RB1: variants seen among roughly 807,000 people sequenced by gnomAD.
RB1 encodes the protein RB transcriptional corepressor 1.
A neutral mutation model predicts 135.4 loss-of-function variants in RB1; 18 were observed. The observed-to-expected ratio is 0.13, with a 90% CI of 0.09 to 0.20. The LOEUF is 0.20. Ranked by LOEUF, RB1 falls within the 10% of genes least tolerant of loss-of-function variation. RB1 has a pLI of 1.00. For synonymous variants in RB1, 365 were observed against 373.2 expected (o/e 0.98, Z 0.25); for missense variants, 868 against 1,110.0 (o/e 0.78, Z 3.10).
rs1180227340 is a variant in RB1, at chr13:48,463,805, A to C, written c.2181A>C (p.Ala727=). The C allele has an allele frequency of 6.2e-7, 1 of 1,607,312 alleles. No homozygotes were observed. The change falls in exon 21 of 27, where the codon GCA becomes GCC. Residue 727 remains alanine (A), a synonymous_variant. Coordinates refer to ENST00000267163, the MANE Select transcript of RB1 (RefSeq NM_000321.3). ...TTAAATTCAAAATCATTGTAACAGC[A>C]TACAAGGATCTTCCTCATGCTGTTC... is the stretch of plus-strand genomic sequence containing the variant. ...IDLKFKIIVT[A]YKDLPHAVQE...
rs375751988 is a variant in RB1, at chr13:48,465,334, C to G, written c.2455C>G (p.Leu819Val). The G allele has an allele frequency of 4.8e-5, 77 of 1,609,378 alleles. 1 individual carries two copies. In the East Asian group the frequency reaches 9.6e-4, roughly 20 times the overall value. Residue 819 changes from leucine to valine, a missense_variant, in exon 23 of 27, where the codon CTG (leucine) becomes GTG (valine). Leu to Val is a conservative substitution (Grantham distance 32). Coordinates refer to ENST00000267163, the MANE Select transcript of RB1 (RefSeq NM_000321.3). ...LKSPYKISEG[L>V]PTPTKMTPRS... Reference sequence around the variant, plus strand: ...GAGTCCATATAAAATTTCAGAAGGTCTGCCAACACCAACAAAAATGACTCC... The same window carrying G: ...GAGTCCATATAAAATTTCAGAAGGTGTGCCAACACCAACAAAAATGACTCC...
chr13:48,411,654 G>T, intron 17 of RB1: 1 of 1,610,834 alleles, frequency 6.2e-7, no homozygotes. Context: ...AAATGTTTGT[G>T]TTCTCACAAG....
intron 1 of RB1, among the ~76,000 whole-genome samples, chr13:48,306,820 C>T (rs1240485670): frequency 6.6e-6 from 1 of 152,192 alleles, no homozygotes; most frequent in African/African-American, 2.4e-5. Flanking sequence ...CAAAAATAAG[C>T]AGTCGCATCA....
At chr13:48,337,392 GT>G (rs1952395146) in intron 2 of RB1, among the ~76,000 whole-genome samples, 3 of 152,180 alleles carry the variant, frequency 2.0e-5, no homozygotes, top group Non-Finnish European at 4.4e-5. Context: ...ATTTAGGATA[GT>G]TAGTTCTTCT....
At chr13:48,340,352 T>C (rs1215792832) in intron 2 of RB1, among the ~76,000 whole-genome samples, 1 of 152,164 alleles carries the variant, frequency 6.6e-6, no homozygotes, top group Admixed American at 6.5e-5. Context: ...AAACACAAGC[T>C]GCATCTGAAA....
intron 6 of RB1, among the ~76,000 whole-genome samples, chr13:48,357,715 G>A (rs532020317): frequency 2.0e-5 from 3 of 152,074 alleles, no homozygotes; most frequent in African/African-American, 7.2e-5. Context: ...TCAGAGGCAC[G>A]TTTACATTTC....
intron 17 of RB1, among the ~76,000 whole-genome samples, chr13:48,403,790 T>C (rs1325326031): frequency 6.6e-6 from 1 of 152,096 alleles, no homozygotes; most frequent in Non-Finnish European, 1.5e-5. Context: ...CTACACTTTG[T>C]GAGCAACATT....
At chr13:48,445,441 A>T (rs1395459857) in intron 17 of RB1, among the ~76,000 whole-genome samples, 3 of 152,038 alleles carry the variant, frequency 2.0e-5, no homozygotes, top group Admixed American at 1.3e-4. Flanking sequence ...TTCTTTAGCA[A>T]CCTCTCCACT....
At chr13:48,340,660 AC>A (rs1952435439) in intron 2 of RB1, 1 of 177,844 alleles carries the variant, frequency 5.6e-6, no homozygotes, top group South Asian at 2.0e-4. Flanking sequence ...AAAGAAACAA[AC>A]CAAAATGGTA....
intron 18 of RB1, among the ~76,000 whole-genome samples, chr13:48,455,642 G>A (rs1345254537): frequency 2.0e-5 from 3 of 152,284 alleles, no homozygotes; most frequent in South Asian, 4.1e-4. Flanking sequence ...TTAAATAGGG[G>A]CAGCACAGAA....
At chr13:48,314,932 C>G (rs1952167769) in intron 2 of RB1, among the ~76,000 whole-genome samples, 1 of 152,182 alleles carries the variant, frequency 6.6e-6, no homozygotes, top group Non-Finnish European at 1.5e-5. Flanking sequence ...TGAACTACAT[C>G]TTTTCAAAGG....
chr13:48,393,637 T>TA (rs1206079621), intron 17 of RB1, among the ~76,000 whole-genome samples: 1 of 152,222 alleles, frequency 6.6e-6, no homozygotes, highest in Admixed American at 6.5e-5. Flanking sequence ...TATGTACACT[T>TA]ACAGAATATT....
chr13:48,475,834 G>A (rs1464890948), intron 24 of RB1, among the ~76,000 whole-genome samples: 1 of 152,148 alleles, frequency 6.6e-6, no homozygotes, highest in African/African-American at 2.4e-5. Context: ...AATAGTTCAC[G>A]ATGGGCTCAG....
chr13:48,465,716 C>G (rs551634188), intron 23 of RB1, among the ~76,000 whole-genome samples: 2 of 151,234 alleles, frequency 1.3e-5, no homozygotes, highest in Non-Finnish European at 3.0e-5. Flanking sequence ...GTGTGCGAGC[C>G]GAAGCAGGGC....
chr13:48,357,098 T>C (rs900056331), intron 6 of RB1, among the ~76,000 whole-genome samples: 2 of 151,880 alleles, frequency 1.3e-5, no homozygotes, highest in African/African-American at 4.8e-5. Flanking sequence ...CTTTTTTTTT[T>C]TGAACACCGT....
intron 17 of RB1, among the ~76,000 whole-genome samples, chr13:48,452,054 A>G (rs1382872621): frequency 6.6e-6 from 1 of 152,032 alleles, no homozygotes; most frequent in African/African-American, 2.4e-5. Flanking sequence ...TTTTTCAAAA[A>G]ATAAGCTCCT....
intron 17 of RB1, among the ~76,000 whole-genome samples, chr13:48,388,325 A>T (rs1948585724): frequency 6.6e-6 from 1 of 152,152 alleles, no homozygotes; most frequent in African/African-American, 2.4e-5. Flanking sequence ...GCTTGGGAAG[A>T]TGAATTTCAT....
chr13:48,377,080 T>A (rs1952833810), intron 13 of RB1, 46 bp downstream of exon 13: 1 of 1,559,308 alleles, frequency 6.4e-7, no homozygotes, highest in African/African-American at 1.4e-5. Flanking sequence ...AGTAATAATA[T>A]TAAAAGCAGC....
chr13:48,367,758 TA>T (rs1952718390), intron 10 of RB1, among the ~76,000 whole-genome samples, 155 bp downstream of exon 10: 1 of 152,208 alleles, frequency 6.6e-6, no homozygotes, highest in African/African-American at 2.4e-5. Flanking sequence ...AACAGTATTT[TA>T]AGCATATAAC....
Sources: gnomAD v4.1 joint callset for allele counts (sites outside exome capture counted in the v4.1 genomes callset) on GRCh38, gnomAD v4.1.1 for gene constraint, MANE v1.5 for transcripts, NCBI Gene and HGNC (gene_info 2026-07-23, HGNC 2026-07-21) for gene names.